The following L2HGDH variants were observed in gnomAD, a reference collection of about 807,000 sequenced individuals.
The protein encoded by L2HGDH is L-2-hydroxyglutarate dehydrogenase, also known as L-2-hydroxyglutarate dehydrogenase, mitochondrial.
A neutral mutation model predicts 51.5 loss-of-function variants in L2HGDH; 34 were observed. The ratio of observed to expected loss-of-function variants is 0.66; its 90% CI spans 0.50 to 0.88. L2HGDH has a LOEUF of 0.88. L2HGDH is among the 40% of genes least tolerant of loss of function. L2HGDH has a pLI of 0.00. For synonymous variants in L2HGDH, 198 were observed against 197.9 expected (o/e 1.00, Z -0.01); for missense variants, 558 against 571.9 (o/e 0.98, Z 0.25).
At chr14:50,294,936 A>T (rs1427128416) in intron 3 of L2HGDH, among the ~76,000 whole-genome samples, 1 of 152,226 alleles carries the variant, frequency 6.6e-6, no homozygotes, top group Non-Finnish European at 1.5e-5. Context: ...CATACCAAAG[A>T]GGCAACAGAA....
intron 4 of L2HGDH, among the ~76,000 whole-genome samples, chr14:50,284,636 A>G (rs1220402879): frequency 1.3e-5 from 2 of 152,230 alleles, no homozygotes; most frequent in African/African-American, 2.4e-5. Flanking sequence ...AAAGAAAAGG[A>G]TAAGAGGAGA....
intron 3 of L2HGDH, among the ~76,000 whole-genome samples, chr14:50,297,688 A>G (rs940063996): frequency 3.3e-5 from 5 of 152,102 alleles, no homozygotes; most frequent in Admixed American, 6.6e-5. Context: ...GGTCTTTAAA[A>G]TTTTTTTTAA....
At chr14:50,272,533 G>C (rs1889757695) in intron 6 of L2HGDH, among the ~76,000 whole-genome samples, 1 of 152,116 alleles carries the variant, frequency 6.6e-6, no homozygotes, top group Admixed American at 6.5e-5. Flanking sequence ...GGTTTTTGGA[G>C]GAAAGTTATA....
intron 6 of L2HGDH, among the ~76,000 whole-genome samples, chr14:50,272,228 T>G (rs2139990878): frequency 6.6e-6 from 1 of 152,316 alleles, no homozygotes; most frequent in Non-Finnish European, 1.5e-5. Context: ...AAAATTATAC[T>G]TACTGAAAAT....
intron 9 of L2HGDH, among the ~76,000 whole-genome samples, chr14:50,263,792 T>C (rs1294008550): frequency 7.3e-6 from 1 of 137,914 alleles, no homozygotes; most frequent in Non-Finnish European, 1.6e-5. Context: ...TTTTTTTTTG[T>C]GAGACGGAGT....
intron 9 of L2HGDH, among the ~76,000 whole-genome samples, chr14:50,248,862 C>A (rs1386941045): frequency 6.6e-6 from 1 of 152,160 alleles, no homozygotes; most frequent in Admixed American, 6.5e-5. Context: ...ATCACAGTGG[C>A]TGGTTTTGAC....
At position 50,294,328 on chromosome 14, in the gene L2HGDH, C is replaced by A; in HGVS notation, c.409-82G>T. On this transcript the variant is annotated intron_variant, in intron 3 of 9. Transcript: ENST00000267436. ...AAAGATAAAGTCAATGGAAAATCAT[C>A]AACTATTGTATGACCCAAAGGAGGT... 5.6e-6 allele frequency: 8 copies of A among 1,430,058 alleles called. No homozygotes were observed. In the South Asian group the frequency reaches 9.4e-5, roughly 17 times the overall value. 88.6% of individuals were successfully genotyped at this position (1,430,058 alleles called of 1,614,324 possible).
chr14:50,262,651 C>T (rs1414208880), intron 9 of L2HGDH, among the ~76,000 whole-genome samples: 1 of 151,884 alleles, frequency 6.6e-6, no homozygotes, highest in East Asian at 1.9e-4. Context: ...TATCACTCCC[C>T]TGCTCATTTT....
At chr14:50,271,302 A>G (rs1889674338) in intron 6 of L2HGDH, among the ~76,000 whole-genome samples, 1 of 152,262 alleles carries the variant, frequency 6.6e-6, no homozygotes, top group Non-Finnish European at 1.5e-5. Flanking sequence ...AAAAATGCAG[A>G]TAAGTCCTAT....
chr14:50,245,045 G>C lies in L2HGDH; in HGVS notation c.*2013C>G. ...GATACCACAAAACACATATATACAG[G>C]ATATACCACAGCACTGGGCATCAAC... On this transcript the variant is annotated 3_prime_UTR_variant, in exon 10 of 10. Coordinates refer to ENST00000267436, the MANE Select transcript of L2HGDH (RefSeq NM_024884.3). 7.1e-6 allele frequency: 7 copies of C among 985,692 alleles called. No individual in the cohort carries two copies. The highest frequency in any genetic ancestry group is 5.2e-4 in the Middle Eastern group (1 of 1,914). The allele number at this position is 985,692 out of a possible 1,614,324, so 61.1% of individuals were successfully genotyped here.
intron 1 of L2HGDH, chr14:50,311,400 C>T (rs1199315855): frequency 2.2e-6 from 1 of 455,958 alleles, no homozygotes. Context: ...CAAAACCTCT[C>T]CAAGCCTTAC....
Position 50,245,645 on chromosome 14 carries a change from A to G in L2HGDH, c.*1413T>C, listed in dbSNP as rs920308872. Reference sequence around the variant, plus strand: ...TGAGTTTTGTGACTCTTCAAAATTAAAAGAATGTAACCTACAATATAATGT... The same window carrying G: ...TGAGTTTTGTGACTCTTCAAAATTAGAAGAATGTAACCTACAATATAATGT... On this transcript the variant is annotated 3_prime_UTR_variant, in exon 10 of 10. Transcript: ENST00000267436. 4.1e-6 allele frequency: 4 copies of G among 981,896 alleles called. No homozygotes were observed. The African/African-American group carries it at 7.0e-5, about 17-fold the overall frequency. 60.8% of individuals were successfully genotyped at this position (981,896 alleles called of 1,614,324 possible). A position where few individuals can be genotyped will look rare whatever the true frequency, so the allele number is the denominator to read the frequency against.
In L2HGDH at chr14:50,265,374, T is replaced by C. The variant is rs773495683; in HGVS notation, c.1180A>G (p.Ile394Val). Residue 394 changes from isoleucine to valine, a missense_variant, in exon 9 of 10, where the codon ATC becomes GTC. Ile to Val is a conservative substitution (Grantham distance 29, BLOSUM62 3). Coordinates refer to ENST00000267436, the MANE Select transcript of L2HGDH (RefSeq NM_024884.3). ...TTTCCTTACCTAAGTATATCACTGA[T>C]AGTAATTTCAGGGATGAATTTTTGA... The part of the protein sequence containing the change: ...YLQKFIPEIT[I>V]SDILRGPAGV... 1.2e-5 allele frequency: 19 copies of C among 1,611,078 alleles called. No individual in the cohort carries two copies. Among genetic ancestry groups the C allele is most frequent in the Non-Finnish European group, 1.6e-5 (19 of 1,177,310 alleles).
At chr14:50,305,780 C>T (rs1331898079) in intron 1 of L2HGDH, among the ~76,000 whole-genome samples, 1 of 152,088 alleles carries the variant, frequency 6.6e-6, no homozygotes, top group Non-Finnish European at 1.5e-5. Context: ...TTCAGGACTC[C>T]CATGGATACC....
rs1172557519 is a variant in L2HGDH, at chr14:50,268,797, C to A, written c.906+366G>T. The stretch of plus-strand genomic sequence containing the variant: ...CCTGAAACTACAGAGTGGCCACATC[C>A]CTTTTCTGTACCTACAGATAGTGAA... On this transcript the variant is annotated intron_variant, in intron 7 of 9. Transcript: ENST00000267436. 2.6e-5 allele frequency among the ~76,000 whole-genome samples: 4 copies of A among 152,242 alleles called. No homozygotes were observed. The South Asian group carries it at 8.3e-4, about 32-fold the overall frequency.
intron 6 of L2HGDH, among the ~76,000 whole-genome samples, chr14:50,278,024 T>C (rs998085870): frequency 1.3e-5 from 2 of 152,112 alleles, no homozygotes; most frequent in Non-Finnish European, 2.9e-5. Flanking sequence ...CTTATTCCTA[T>C]AATAAATCCT....
chr14:50,267,178 T>C (rs1889389146), intron 8 of L2HGDH, among the ~76,000 whole-genome samples: 1 of 150,598 alleles, frequency 6.6e-6, no homozygotes, highest in East Asian at 1.9e-4. Context: ...TATTTATTTA[T>C]TTATTTATTT....
chr14:50,249,032 C>A lies in L2HGDH; in HGVS notation c.1197-1779G>T, dbSNP rs1370741909. ...GGTACAGTGGCTGGGGGCCTTTACA[C>A]TGAACTCAGTGCTGCCCTGTCACAG... On this transcript the variant is annotated intron_variant, in intron 9 of 9. Transcript: ENST00000267436. Among the ~76,000 whole-genome samples the A allele has an allele frequency of 3.3e-5, 5 of 152,188 alleles. No homozygotes were observed. The South Asian group carries it at 1.0e-3, about 31-fold the overall frequency.
chr14:50,248,750 G>A (rs1470008563), intron 9 of L2HGDH, among the ~76,000 whole-genome samples: 1 of 152,144 alleles, frequency 6.6e-6, no homozygotes, highest in Non-Finnish European at 1.5e-5. Flanking sequence ...GCAAGACGGT[G>A]GAAAAGAAGC....
Sources: gnomAD v4.1 joint callset for allele counts (sites outside exome capture counted in the v4.1 genomes callset) on GRCh38, gnomAD v4.1.1 for gene constraint, MANE v1.5 for transcripts, NCBI Gene and HGNC (gene_info 2026-07-23, HGNC 2026-07-21) for gene names.